The following MROH2A variants were observed in gnomAD, a reference collection of about 807,000 sequenced individuals.
MROH2A encodes the protein maestro heat-like repeat-containing protein family member 2A.
Under a neutral mutation model 200.4 loss-of-function variants are expected in MROH2A, and 174 were observed. The observed-to-expected ratio is 0.87, with a 90% CI of 0.77 to 0.98. The LOEUF is 0.98. Ranked by LOEUF, MROH2A falls within the 50% of genes least tolerant of loss-of-function variation. The probability of loss-of-function intolerance (pLI) is 0.00; values close to 1 mark genes in which losing one functional copy is unlikely to be tolerated. For missense variants in MROH2A, 2,045 were observed against 2,139.6 expected (o/e 0.96, Z 0.87); for synonymous variants, 829 against 840.4 (o/e 0.99, Z 0.23).
chr2:233,785,483 AAAG>A (rs1266701713), intron 3 of MROH2A, among the ~76,000 whole-genome samples: 1 of 151,632 alleles, frequency 6.6e-6, no homozygotes, highest in African/African-American at 2.4e-5. Context: ...AAAAAAAAAA[AAAG>A]GAGAAAAGAC....
chr2:233,800,027 T>C (rs1702357618), intron 13 of MROH2A, 128 bp downstream of exon 13: 1 of 1,310,204 alleles, frequency 7.6e-7, no homozygotes, highest in African/African-American at 1.5e-5. Context: ...CAGGAGTTCA[T>C]AGACACAGTG....
intron 11 of MROH2A, among the ~76,000 whole-genome samples, chr2:233,797,658 A>T (rs1702203996): frequency 1.3e-5 from 2 of 152,184 alleles, no homozygotes; most frequent in South Asian, 4.1e-4. Flanking sequence ...TTTTTATTTT[A>T]ATTTTGCAAT....
At position 233,799,297 on chromosome 2, in the gene MROH2A, G is replaced by A. The variant is rs562662495; in HGVS notation, c.1329+447G>A. On this transcript the variant is annotated intron_variant, in intron 12 of 41. Coordinates refer to ENST00000389758, the MANE Select transcript of MROH2A (RefSeq NM_001394639.1). ...GCCATGGGCTGGGGAAGGGAGGTCCGGCATAGTGAGGGGTCTGCACAGCAG... is the reference window on the plus strand; with the variant it reads ...GCCATGGGCTGGGGAAGGGAGGTCCAGCATAGTGAGGGGTCTGCACAGCAG... Among the ~76,000 whole-genome samples, 579 of 152,276 alleles carry A rather than the reference G, an allele frequency of 3.8e-3. 5 individuals carry two copies. Among genetic ancestry groups the A allele is most frequent in the African/African-American group, 6.7e-3 (279 of 41,550 alleles).
chr2:233,805,098 C>T lies in MROH2A; in HGVS notation c.2039C>T (p.Pro680Leu), dbSNP rs1487989721. Residue 680 changes from proline (P) to leucine (L), a missense_variant, in exon 19 of 42, where the codon CCC (proline) becomes CTC (leucine). Around this residue, in one of 3 missense-constraint regions of MROH2A, gnomAD observed 1,201 missense variants for 1,311.3 expected, o/e 0.92. Coordinates refer to ENST00000389758, the MANE Select transcript of MROH2A (RefSeq NM_001394639.1). ...LNNQIASFDS[P>L]SLEKGFLYRA... ...AACCAGATTGCGAGCTTTGACAGCC[C>T]CTCTCTGGAGAAGGTTTGTCTTCAT... 6.5e-7 allele frequency: 1 copy of T among 1,548,992 alleles called. No homozygotes were observed. Among genetic ancestry groups the T allele is most frequent in the African/African-American group, 1.4e-5 (1 of 72,978 alleles).
intron 24 of MROH2A, among the ~76,000 whole-genome samples, 191 bp downstream of exon 24, chr2:233,812,150 T>C (rs1188967422): frequency 6.6e-6 from 1 of 151,050 alleles, no homozygotes; most frequent in East Asian, 2.1e-4. Context: ...CTCTTTTCTA[T>C]AATTCTCAGC....
chr2:233,779,953 G>A (rs1700868985), intron 3 of MROH2A, 101 bp downstream of exon 3: 6 of 1,014,872 alleles, frequency 5.9e-6, no homozygotes, highest in Admixed American at 4.9e-5. Context: ...GTGATGTGTG[G>A]TACTGGGATA....
Position 233,822,419 on chromosome 2 carries a change from G to A in MROH2A, c.3729G>A (p.Pro1243=), listed in dbSNP as rs920089175. Residue 1243 remains proline, a synonymous_variant, in exon 33 of 42, where the codon CCG becomes CCA. Transcript: ENST00000389758. The part of the protein sequence containing the change: ...IQKLDENDKL[P]DFLPDLIYTL... ...AGCTGGATGAGAATGACAAGCTCCC[G>A]GACTTCCTCCCTGACCTCATCTACA... 9 of 1,545,826 alleles carry A rather than the reference G, an allele frequency of 5.8e-6. No homozygotes were observed. Among genetic ancestry groups the A allele is most frequent in the African/African-American group, 2.8e-5 (2 of 71,326 alleles).
In MROH2A at chr2:233,795,796, A is replaced by G; in HGVS notation, c.1059+51A>G. The G allele has an allele frequency of 2.6e-6, 4 of 1,550,612 alleles. No individual in the cohort carries two copies. The Admixed American group carries it at 7.8e-5, about 30-fold the overall frequency. ...AAGGGCATTCTCTGGGTGGATCAGC[A>G]GGAAGCTGGCGGCGGGAGGTGGCCT... On this transcript the variant is annotated intron_variant, in intron 9 of 41. Coordinates refer to ENST00000389758, the MANE Select transcript of MROH2A (RefSeq NM_001394639.1).
chr2:233,800,214 CG>C lies in MROH2A; in HGVS notation c.1462del (p.Glu488ArgfsTer21). ...TLSTYKLTNR[R>X]EKFYQRDLEE... ...TGGTTCTTTCTTCCAGACAAATCGC[CG>C]GGAGAAGTTTTATCAGAGGGACTTG... On this transcript the variant is annotated frameshift_variant, in exon 14 of 42. Transcript: ENST00000389758. LOFTEE classifies it high-confidence loss of function. The C allele has an allele frequency of 1.3e-6, 2 of 1,547,848 alleles. No individual in the cohort carries two copies. The highest frequency in any genetic ancestry group is 1.2e-5 in the South Asian group (1 of 83,702).
At chr2:233,789,095 T>C (rs1250253374) in intron 3 of MROH2A, among the ~76,000 whole-genome samples, 1 of 151,970 alleles carries the variant, frequency 6.6e-6, no homozygotes, top group African/African-American at 2.4e-5. Context: ...ATAAGCGCTA[T>C]CATGCAGGAA....
At chr2:233,811,319 CAAAG>C (rs1261543053) in intron 23 of MROH2A, among the ~76,000 whole-genome samples, 1 of 152,190 alleles carries the variant, frequency 6.6e-6, no homozygotes, top group African/African-American at 2.4e-5. Flanking sequence ...GGATGTAAGA[CAAAG>C]AAAACGTCCA....
intron 41 of MROH2A, 62 bp from the exon 42 acceptor site, chr2:233,833,076 C>T: frequency 1.4e-6 from 2 of 1,471,682 alleles, no homozygotes; most frequent in South Asian, 1.4e-5. Flanking sequence ...CTGCCCAGGG[C>T]ATGCAGCATG....
In MROH2A at chr2:233,833,100, G is replaced by A. The variant is rs773284871; in HGVS notation, c.4904-38G>A. On this transcript the variant is annotated intron_variant, in intron 41 of 41. Transcript: ENST00000389758. ...GCATGCAGCATGTGGTCCTGACTGG[G>A]CGGGGCCTGAACCTTCCCTCTTTGT... 1.1e-5 allele frequency: 16 copies of A among 1,506,940 alleles called. No individual in the cohort carries two copies. The African/African-American group carries it at 2.2e-4, about 21-fold the overall frequency. 93.3% of individuals were successfully genotyped at this position (1,506,940 alleles called of 1,614,324 possible).
In MROH2A at chr2:233,823,658, G is replaced by C; in HGVS notation, c.4107G>C (p.Ala1369=). The part of the protein sequence containing the change: ...EVLSCRISST[A]VCFMSGPVLY... ...TGAGCTGCCGCATCAGCAGCACAGC[G>C]GTCTGCGTGGAAATGAGGCACCGGG... The change falls in exon 35 of 42, where the codon GCG becomes GCC. Residue 1369 remains alanine, a synonymous_variant. Transcript: ENST00000389758. 1 of 1,550,318 alleles carries C rather than the reference G, an allele frequency of 6.5e-7. No individual in the cohort carries two copies. The highest frequency in any genetic ancestry group is 1.4e-5 in the African/African-American group (1 of 73,184).
In MROH2A at chr2:233,828,322, G is replaced by A. The variant is rs549450102; in HGVS notation, c.4114-308G>A. ...GTTTTTTGTGCCTTTCTGTTCAGAT[G>A]CAGGTGGGCGTGGCTCTTGCATTTG... On this transcript the variant is annotated intron_variant, in intron 35 of 41. Coordinates refer to ENST00000389758, the MANE Select transcript of MROH2A (RefSeq NM_001394639.1). The surrounding 1 kb of genome is among the most constrained non-coding windows in gnomAD (Gnocchi z 4.6). Among the ~76,000 whole-genome samples the A allele has an allele frequency of 1.3e-5, 2 of 152,320 alleles. No homozygotes were observed. Among genetic ancestry groups the A allele is most frequent in the Non-Finnish European group, 2.9e-5 (2 of 68,032 alleles).
chr2:233,787,271 T>C (rs192281919), intron 3 of MROH2A, among the ~76,000 whole-genome samples: 12 of 151,886 alleles, frequency 7.9e-5, no homozygotes, highest in Non-Finnish European at 1.5e-4. Context: ...TTAAGCATAT[T>C]GGCCTCCTTG....
chr2:233,814,183 T>C (rs987902610), intron 25 of MROH2A, among the ~76,000 whole-genome samples: 11 of 152,122 alleles, frequency 7.2e-5, no homozygotes, highest in Non-Finnish European at 1.2e-4. Context: ...TTGAGAGTCA[T>C]TTTGCCCTCC....
intron 19 of MROH2A, among the ~76,000 whole-genome samples, chr2:233,805,410 G>A (rs1702729899): frequency 1.3e-5 from 2 of 152,154 alleles, no homozygotes; most frequent in African/African-American, 4.8e-5. Flanking sequence ...AAATCAGTGA[G>A]GGTCTCAATA....
At chr2:233,793,635 C>T in intron 6 of MROH2A, 38 bp from the exon 7 acceptor site, 1 of 1,343,882 alleles carries the variant, frequency 7.4e-7, no homozygotes, top group Non-Finnish European at 9.6e-7. Context: ...CTTCCAGCCC[C>T]TCTGGCGCCA....
Sources: allele counts gnomAD v4.1 joint callset (sites outside exome capture counted in the v4.1 genomes callset), GRCh38; gene constraint gnomAD v4.1.1; regional missense constraint gnomAD v4.1.1; non-coding constraint Gnocchi (gnomAD v3.1); transcripts MANE v1.5; gene names NCBI Gene and HGNC (gene_info 2026-07-23, HGNC 2026-07-21).